The following LYRM4 variants were observed in gnomAD, a reference collection of about 807,000 sequenced individuals.
LYRM4 encodes LYR motif-containing protein 4.
LYRM4 carries 9 observed loss-of-function variants against 11.7 expected under a neutral mutation model. The observed-to-expected ratio is 0.77, with a 90% CI of 0.46 to 1.34. The LOEUF is 1.34. Among genes scored for constraint, LYRM4 ranks in the 40% most tolerant of loss-of-function variants. The probability of loss-of-function intolerance (pLI) is 0.00; values close to 1 mark genes in which losing one functional copy is unlikely to be tolerated. For missense variants in LYRM4, 133 were observed against 112.5 expected (o/e 1.18, Z -0.82); for synonymous variants, 42 against 40.4 (o/e 1.04, Z -0.15).
At chr6:5,228,073 C>A (rs1042046506) in intron 1 of LYRM4, among the ~76,000 whole-genome samples, 3 of 152,134 alleles carry the variant, frequency 2.0e-5, no homozygotes, top group Non-Finnish European at 4.4e-5. Context: ...ATAGGTGCAG[C>A]AAACCACCAT....
At chr6:5,233,027 A>G (rs1341515428) in intron 1 of LYRM4, among the ~76,000 whole-genome samples, 1 of 152,208 alleles carries the variant, frequency 6.6e-6, no homozygotes, top group Non-Finnish European at 1.5e-5. Context: ...ATTTATCACA[A>G]TACTTAAGAG....
chr6:5,237,421 G>C (rs1199286649), intron 1 of LYRM4, among the ~76,000 whole-genome samples: 1 of 151,804 alleles, frequency 6.6e-6, no homozygotes, highest in Non-Finnish European at 1.5e-5. Context: ...AGGAAAACAA[G>C]CTCAGCGCTC....
intron 2 of LYRM4, among the ~76,000 whole-genome samples, chr6:5,203,354 T>G (rs1339776679): frequency 6.6e-6 from 1 of 152,224 alleles, no homozygotes; most frequent in Non-Finnish European, 1.5e-5. Context: ...GTCTGCTGCC[T>G]GGGACAGCTG....
intron 2 of LYRM4, among the ~76,000 whole-genome samples, chr6:5,200,318 C>T (rs77857650): frequency 0.015 from 2,232 of 152,236 alleles, 55 homozygotes; most frequent in African/African-American, 0.051. Flanking sequence ...CTCTCGAGGA[C>T]ATGTCTCTGG....
At chr6:5,208,382 G>A (rs1401337391) in intron 2 of LYRM4, among the ~76,000 whole-genome samples, 1 of 152,202 alleles carries the variant, frequency 6.6e-6, no homozygotes, top group Admixed American at 6.5e-5. Context: ...CATCAAAACA[G>A]TTCTTTAAGG....
At chr6:5,116,712 G>C (rs1763133960) in intron 2 of LYRM4, among the ~76,000 whole-genome samples, 3 of 152,178 alleles carry the variant, frequency 2.0e-5, no homozygotes, top group Admixed American at 2.0e-4. Flanking sequence ...ATTAAGTTTA[G>C]GGAGTTGGCA....
At chr6:5,105,640 CTG>C (rs1445101651), downstream of LYRM4, 1 of 152,314 alleles carries the variant, frequency 6.6e-6, no homozygotes, top group East Asian at 1.9e-4. Flanking sequence ...TGGCGAAATC[CTG>C]TGTCTACTAA....
chr6:5,215,550 T>G lies in LYRM4; in HGVS notation c.207+1068A>C, dbSNP rs1762228422. On this transcript the variant is annotated intron_variant, in intron 2 of 2. Coordinates refer to ENST00000330636, the MANE Select transcript of LYRM4 (RefSeq NM_020408.6). ...TGGTTAGGAGAATCCGAAATGCTATTCTAGAAAGAACTGTTACATTATGTA... is the reference window on the plus strand; with the variant it reads ...TGGTTAGGAGAATCCGAAATGCTATGCTAGAAAGAACTGTTACATTATGTA... 2.0e-5 allele frequency among the ~76,000 whole-genome samples: 3 copies of G among 152,244 alleles called. No homozygotes were observed. In the South Asian group the frequency reaches 6.2e-4, roughly 31 times the overall value.
chr6:5,107,300 T>C (rs1762690512), downstream of LYRM4: 1 of 151,972 alleles, frequency 6.6e-6, no homozygotes, highest in Non-Finnish European at 1.5e-5. Context: ...CCTGGGGGAG[T>C]GGGAGAAGTC....
At chr6:5,221,036 A>G (rs1762547983) in intron 1 of LYRM4, among the ~76,000 whole-genome samples, 2 of 152,086 alleles carry the variant, frequency 1.3e-5, no homozygotes, top group Non-Finnish European at 2.9e-5. Context: ...TATGCTGCCC[A>G]GGCTGGTCTC....
At chr6:5,091,717 T>C in the LYRM4 span, among the ~76,000 whole-genome samples, 2 of 152,240 alleles carry the variant, frequency 1.3e-5, no homozygotes, top group Non-Finnish European at 1.5e-5. Context: ...ACTAGAGGAA[T>C]CAAATAGGTG....
intron 2 of LYRM4, among the ~76,000 whole-genome samples, chr6:5,154,825 T>A (rs926120935): frequency 5.9e-5 from 9 of 151,280 alleles, no homozygotes; most frequent in South Asian, 2.1e-4. Flanking sequence ...TCTCAAAAAA[T>A]AAATGAATAA....
At chr6:5,123,694 C>T (rs1433755547) in intron 2 of LYRM4, among the ~76,000 whole-genome samples, 4 of 152,216 alleles carry the variant, frequency 2.6e-5, no homozygotes, top group Non-Finnish European at 5.9e-5. Context: ...GCTGCTCTAG[C>T]GCGACCAGAT....
chr6:5,094,595 T>C, the LYRM4 span, among the ~76,000 whole-genome samples: 2 of 152,260 alleles, frequency 1.3e-5, no homozygotes, highest in African/African-American at 2.4e-5. Flanking sequence ...GCAGTGTTTA[T>C]TTACACTGAG....
chr6:5,087,648 T>A, the LYRM4 span: 1 of 152,442 alleles, frequency 6.6e-6, no homozygotes, highest in African/African-American at 2.4e-5. Flanking sequence ...TTTCTGTTCC[T>A]CTCAGAGCCA....
the LYRM4 span, among the ~76,000 whole-genome samples, chr6:5,073,813 G>T: frequency 6.6e-6 from 1 of 152,074 alleles, no homozygotes; most frequent in Non-Finnish European, 1.5e-5. Context: ...ATGACATCCC[G>T]TAACTATTCA....
chr6:5,042,347 G>A, the LYRM4 span, among the ~76,000 whole-genome samples: 2 of 152,068 alleles, frequency 1.3e-5, no homozygotes, highest in Admixed American at 6.6e-5. Context: ...AGCCCCATAT[G>A]CAATATTCAG....
rs1276063230 is a variant in LYRM4, at chr6:5,245,087, C to CT, written c.86+15560dup. 3.1e-3 allele frequency among the ~76,000 whole-genome samples: 50 copies of CT among 15,896 alleles called. 5 individuals are homozygous for CT. Among genetic ancestry groups the CT allele is most frequent in the East Asian group, 7.8e-3 (5 of 640 alleles). 10.4% of individuals were successfully genotyped at this position (15,896 alleles called of 152,430 possible). A position where few individuals can be genotyped will look rare whatever the true frequency, so the allele number is the denominator to read the frequency against. On this transcript the variant is annotated intron_variant, in intron 1 of 2. Coordinates refer to ENST00000330636, the MANE Select transcript of LYRM4 (RefSeq NM_020408.6). ...ATGCTGACTTTATTTGCAGGAAGAC[C>CT]TTAAAAAAAAAAAAAAAAAAAAAAA...
At chr6:5,186,528 T>A (rs1760403806) in intron 2 of LYRM4, 1 of 956,388 alleles carries the variant, frequency 1.0e-6, no homozygotes, top group Non-Finnish European at 1.2e-6. Context: ...TCCCATCTCC[T>A]TTCTTATACC....
Sources: allele counts gnomAD v4.1 joint callset (sites outside exome capture counted in the v4.1 genomes callset), GRCh38; gene constraint gnomAD v4.1.1; transcripts MANE v1.5; gene names NCBI Gene and HGNC (gene_info 2026-07-23, HGNC 2026-07-21).